LILRA4: variants seen among roughly 807,000 people sequenced by gnomAD.
The protein encoded by LILRA4 is leukocyte immunoglobulin-like receptor subfamily A member 4.
A neutral mutation model predicts 49.5 loss-of-function variants in LILRA4; 51 were observed. The observed-to-expected ratio is 1.03, with a 90% CI of 0.82 to 1.30. The LOEUF (loss-of-function observed/expected upper bound fraction) is 1.30. Among genes scored for constraint, LILRA4 ranks in the 50% most tolerant of loss-of-function variants. The probability of loss-of-function intolerance (pLI) is 0.00; values close to 1 mark genes in which losing one functional copy is unlikely to be tolerated. For missense variants in LILRA4, 624 were observed against 625.6 expected, an observed-to-expected ratio of 1.00 and a Z score of 0.03; for synonymous variants, 272 against 265.6, an observed-to-expected ratio of 1.02 and a Z score of -0.23.
chr19:54,337,251 TC>T (rs1320671007), intron 5 of LILRA4, 108 bp from the exon 6 acceptor site: 1 of 1,386,386 alleles, frequency 7.2e-7, no homozygotes, highest in African/African-American at 1.4e-5. Flanking sequence ...TTTCTCTGAG[TC>T]TCCCCCTCCC....
intron 3 of LILRA4, 72 bp downstream of exon 3, chr19:54,338,324 C>G: frequency 6.2e-7 from 1 of 1,600,252 alleles, no homozygotes; most frequent in African/African-American, 1.3e-5. Flanking sequence ...AAGGGAGACC[C>G]CTCGAGAGCT....
At position 54,333,545 on chromosome 19, in the gene LILRA4, CCA is replaced by C; in HGVS notation, c.*25_*26del. The C allele has an allele frequency of 6.2e-7, 1 of 1,609,222 alleles. No homozygotes were observed. The highest frequency in any genetic ancestry group is 8.5e-7 in the Non-Finnish European group (1 of 1,176,846). On this transcript the variant is annotated 3_prime_UTR_variant, in exon 8 of 8. Coordinates refer to ENST00000291759, the MANE Select transcript of LILRA4 (RefSeq NM_012276.5). ...AGCAGACACTTCCCCAACTGCTGCC[CCA>C]GTCTTCCAGAACCTCCTCAGATCAT...
intron 4 of LILRA4, 54 bp downstream of exon 4, chr19:54,337,882 A>G: frequency 1.3e-6 from 2 of 1,556,186 alleles, no homozygotes; most frequent in East Asian, 2.3e-5. Context: ...TAAGGCTCCC[A>G]ACAGCTCACC....
rs746556670 is a variant in LILRA4, at chr19:54,333,888, CA to C, written c.1306+26del. The C allele has an allele frequency of 2.1e-5, 34 of 1,613,230 alleles. No homozygotes were observed. In the Middle Eastern group the frequency reaches 5.0e-4, roughly 23 times the overall value. ...GGACCTGACCCTCTGTGCCCAGCCCCATAACTGGGAGAATCTCCTCACTCAC... is the reference window on the plus strand; with the variant it reads ...GGACCTGACCCTCTGTGCCCAGCCCCTAACTGGGAGAATCTCCTCACTCAC... On this transcript the variant is annotated intron_variant, in intron 7 of 7. Coordinates refer to ENST00000291759, the MANE Select transcript of LILRA4 (RefSeq NM_012276.5).
At position 54,333,758 on chromosome 19, in the gene LILRA4, G is replaced by A. The variant is rs111452211; in HGVS notation, c.1314C>T (p.His438=). The A allele has an allele frequency of 6.8e-6, 11 of 1,614,126 alleles. No homozygotes were observed. In the African/African-American group the frequency reaches 8.0e-5, roughly 12 times the overall value. The part of the protein sequence containing the change: ...QKKSDSKTAP[H]LQDYTVENLI... ...GATTCTCCACTGTGTAATCCTGGAGGTGTGGGGCTAGGGATGGTGGACAAA... is the reference window on the plus strand; with the variant it reads ...GATTCTCCACTGTGTAATCCTGGAGATGTGGGGCTAGGGATGGTGGACAAA... Residue 438 remains histidine (H), a synonymous_variant, in exon 8 of 8, where the codon CAC becomes CAT. Coordinates refer to ENST00000291759, the MANE Select transcript of LILRA4 (RefSeq NM_012276.5).
At chr19:54,334,487 G>A (rs1157746951) in intron 6 of LILRA4, 1 of 153,482 alleles carries the variant, frequency 6.5e-6, no homozygotes, top group Non-Finnish European at 1.4e-5. Context: ...TTAATGTCTT[G>A]TTAACTAATT....
chr19:54,337,751 C>A, intron 4 of LILRA4, 55 bp from the exon 5 acceptor site: 2 of 1,548,516 alleles, frequency 1.3e-6, no homozygotes, highest in African/African-American at 1.4e-5. Context: ...TGCGCCCCTT[C>A]CTTCTGTAGC....
chr19:54,338,313 GA>G, intron 3 of LILRA4, 78 bp from the exon 4 acceptor site: 1 of 1,596,534 alleles, frequency 6.3e-7, no homozygotes, highest in Non-Finnish European at 8.5e-7. Context: ...TGGGCTGTGA[GA>G]AGGGAGACCC....
At position 54,337,717 on chromosome 19, in the gene LILRA4, G is replaced by C. The variant is rs371740803; in HGVS notation, c.656-21C>G. On this transcript the variant is annotated intron_variant, in intron 4 of 7. Coordinates refer to ENST00000291759, the MANE Select transcript of LILRA4 (RefSeq NM_012276.5). ...CACGCCTGGAGGGAAAGATGAGTTG[G>C]GACTCGGAGCGGCTGGTTCCTCCTG... is the stretch of plus-strand genomic sequence containing the variant. 8 of 1,605,788 alleles carry C rather than the reference G, an allele frequency of 5.0e-6. No homozygotes were observed. In the African/African-American group the frequency reaches 9.4e-5, roughly 19 times the overall value.
chr19:54,336,615 C>G (rs1165787573), intron 6 of LILRA4: 1 of 719,522 alleles, frequency 1.4e-6, no homozygotes, highest in African/African-American at 1.8e-5. Flanking sequence ...GCTGGGCCCT[C>G]CCCTGTGGAC....
At position 54,333,925 on chromosome 19, in the gene LILRA4, A is replaced by G. The variant is rs2081297723; in HGVS notation, c.1296T>C (p.Asp432=). 4.3e-6 allele frequency: 7 copies of G among 1,614,068 alleles called. No individual in the cohort carries two copies. The highest frequency in any genetic ancestry group is 2.2e-5 in the South Asian group (2 of 91,084). The change falls in exon 7 of 8, where the codon GAT becomes GAC. Residue 432 remains aspartate, a synonymous_variant. Coordinates refer to ENST00000291759, the MANE Select transcript of LILRA4 (RefSeq NM_012276.5). Reference sequence around the variant, plus strand: ...AATCTCCTCACTCACCAGTCTTGGAATCTGACTTCTTTTGTGCTGGATTGA... The same window carrying G: ...AATCTCCTCACTCACCAGTCTTGGAGTCTGACTTCTTTTGTGCTGGATTGA... ...ETLNPAQKKS[D]SKTAPHLQDY...
At chr19:54,337,743 C>CG in intron 4 of LILRA4, 47 bp from the exon 5 acceptor site, 2 of 1,575,244 alleles carry the variant, frequency 1.3e-6, no homozygotes, top group Non-Finnish European at 1.7e-6. Context: ...GTTCCTCCTG[C>CG]GCCCCTTCCT....
rs553798556 is a variant in LILRA4 at position 54,337,363 on chromosome 19, C to T, written c.952+37G>A. The T allele has an allele frequency of 5.4e-4, 874 of 1,605,192 alleles. 7 individuals carry two copies. Among genetic ancestry groups the T allele is most frequent in the East Asian group, 3.1e-4 (14 of 44,800 alleles). On this transcript the variant is annotated intron_variant, in intron 5 of 7. Transcript: ENST00000291759. Reference sequence around the variant, plus strand: ...CTCCCCCAGCAGGGCCTGTGCAGAGCCTGGGTCCCCCTGACTGAACCCGCT... The same window carrying T: ...CTCCCCCAGCAGGGCCTGTGCAGAGTCTGGGTCCCCCTGACTGAACCCGCT...
chr19:54,338,467 C>T lies in LILRA4; in HGVS notation c.284G>A (p.Arg95Gln), dbSNP rs774081018. 2.1e-5 allele frequency: 34 copies of T among 1,614,150 alleles called. No homozygotes were observed. The highest frequency in any genetic ancestry group is 1.6e-4 in the East Asian group (7 of 44,884). ...IPSMMWEHAG[R>Q]YHCYYQSPAG... ...AGGGCTCTGATAGTAACAGTGATAT[C>T]GCCCTGCATGTTCCCACATCATGGA... Residue 95 changes from arginine to glutamine, a missense_variant, in exon 3 of 8, where the codon CGA (arginine) becomes CAA (glutamine). Physicochemically the swap from Arg to Gln is conservative, Grantham distance 43 (BLOSUM62 1). Coordinates refer to ENST00000291759, the MANE Select transcript of LILRA4 (RefSeq NM_012276.5).
rs370153303 is a variant in LILRA4, at chr19:54,338,431, G to T, written c.320C>A (p.Ser107Ter). 5 of 1,614,010 alleles carry T rather than the reference G, an allele frequency of 3.1e-6. No individual in the cohort carries two copies. Among genetic ancestry groups the T allele is most frequent in the Middle Eastern group, 1.6e-4 (1 of 6,066 alleles). ...HCYYQSPAGW[S>*]EPSDPLELVV... Reference sequence around the variant, plus strand: ...CAGCTCCAGGGGGTCGCTGGGCTCTGACCAGCCTGCAGGGCTCTGATAGTA... The same window carrying T: ...CAGCTCCAGGGGGTCGCTGGGCTCTTACCAGCCTGCAGGGCTCTGATAGTA... The change falls in exon 3 of 8, where the codon TCA (serine) becomes TAA (stop). Residue 107 changes from serine (S) to a stop codon, truncating the protein, a stop_gained. Transcript: ENST00000291759. LOFTEE classifies it high-confidence loss of function.
chr19:54,336,526 T>G, intron 6 of LILRA4: 1 of 491,152 alleles, frequency 2.0e-6, no homozygotes, highest in Non-Finnish European at 3.6e-6. Flanking sequence ...GGGTGGGAAG[T>G]CCTCATCTAT....
chr19:54,333,726 C>A lies in LILRA4; in HGVS notation c.1346G>T (p.Arg449Leu). ...LQDYTVENLI[R>L]MGVAGLVLLF... ...CAGGACCAAGCCAGCCACACCCATG[C>A]GGATGAGATTCTCCACTGTGTAATC... Residue 449 changes from arginine to leucine, a missense_variant, in exon 8 of 8, where the codon CGC (arginine) becomes CTC (leucine). Coordinates refer to ENST00000291759, the MANE Select transcript of LILRA4 (RefSeq NM_012276.5). 1 of 1,614,084 alleles carries A rather than the reference C, an allele frequency of 6.2e-7. No homozygotes were observed. Among genetic ancestry groups the A allele is most frequent in the Non-Finnish European group, 8.5e-7 (1 of 1,180,014 alleles).
rs1433071149 is a variant in LILRA4 at position 54,338,908 on chromosome 19, G to A, written c.35-7C>T. 1 of 1,614,182 alleles carries A rather than the reference G, an allele frequency of 6.2e-7. No individual in the cohort carries two copies. Among genetic ancestry groups the A allele is most frequent in the South Asian group, 1.1e-5 (1 of 91,088 alleles). ...CTGGGGCCCAGGCTCAGCCCTGGAA[G>A]AGAGTTCCCTGTGAGAGATTTGCCT... is the stretch of plus-strand genomic sequence containing the variant. On this transcript the variant is annotated splice_region_variant and splice_polypyrimidine_tract_variant and intron_variant, in intron 1 of 7. Transcript: ENST00000291759.
chr19:54,333,475 A>C lies in LILRA4; in HGVS notation c.*97T>G, dbSNP rs1215345612. ...GGAAGCATCTTCTACAGACACCCAG[A>C]CATCTTCCTGCACCTGACCCATGCT... On this transcript the variant is annotated 3_prime_UTR_variant, in exon 8 of 8. Transcript: ENST00000291759. The C allele has an allele frequency of 1.7e-6, 2 of 1,194,022 alleles. No individual in the cohort carries two copies. Among genetic ancestry groups the C allele is most frequent in the African/African-American group, 1.5e-5 (1 of 65,214 alleles). The allele number at this position is 1,194,022 out of a possible 1,614,324, so 74.0% of individuals were successfully genotyped here.
Sources: allele counts gnomAD v4.1 joint callset, GRCh38; gene constraint gnomAD v4.1.1; transcripts MANE v1.5; gene names NCBI Gene and HGNC (gene_info 2026-07-23, HGNC 2026-07-21).